The following SNTG2 variants were observed in gnomAD, a reference collection of about 807,000 sequenced individuals.
SNTG2 encodes gamma-2-syntrophin.
Under a neutral mutation model 70.9 loss-of-function variants are expected in SNTG2, and 74 were observed. The ratio of observed to expected loss-of-function variants is 1.04; its 90% CI spans 0.86 to 1.27. The LOEUF is 1.27. Among genes scored for constraint, SNTG2 ranks in the 50% most tolerant of loss-of-function variants. The probability of loss-of-function intolerance (pLI) is 0.00; values close to 1 mark genes in which losing one functional copy is unlikely to be tolerated. For missense variants in SNTG2, 717 were observed against 690.7 expected (o/e 1.04, Z -0.43); for synonymous variants, 278 against 273.8 (o/e 1.02, Z -0.15).
At chr2:1,177,023 A>T (rs1671525402) in intron 8 of SNTG2, among the ~76,000 whole-genome samples, 1 of 152,250 alleles carries the variant, frequency 6.6e-6, no homozygotes, top group Admixed American at 6.5e-5. Flanking sequence ...ACAATAATAC[A>T]TGCATGTGTA....
chr2:1,246,502 G>T (rs1005309172), intron 11 of SNTG2, among the ~76,000 whole-genome samples: 1 of 152,218 alleles, frequency 6.6e-6, no homozygotes, highest in Non-Finnish European at 1.5e-5. Context: ...GTCCCAGCTG[G>T]TTCTCAACTT....
At chr2:1,154,039 A>G (rs1669689511) in intron 6 of SNTG2, among the ~76,000 whole-genome samples, 1 of 152,258 alleles carries the variant, frequency 6.6e-6, no homozygotes, top group African/African-American at 2.4e-5. Flanking sequence ...TACTTATATA[A>G]GCAAAAAACA....
At chr2:1,062,243 A>T (rs772293967) in intron 1 of SNTG2, among the ~76,000 whole-genome samples, 3 of 152,204 alleles carry the variant, frequency 2.0e-5, no homozygotes, top group Admixed American at 1.3e-4. Context: ...AAATTTGAAC[A>T]TGATCAAGCC....
chr2:1,167,628 C>T (rs1463994282), intron 7 of SNTG2, among the ~76,000 whole-genome samples: 2 of 106,000 alleles, frequency 1.9e-5, no homozygotes, highest in Admixed American at 1.9e-4. Flanking sequence ...GCCTACAAGC[C>T]GCCCACAGAC....
intron 14 of SNTG2, among the ~76,000 whole-genome samples, chr2:1,273,115 C>G (rs1311317194): frequency 6.6e-6 from 1 of 152,182 alleles, no homozygotes; most frequent in Non-Finnish European, 1.5e-5. Context: ...CCCCTGCCTG[C>G]CCGCCTCGGG....
intron 1 of SNTG2, among the ~76,000 whole-genome samples, chr2:955,974 C>CCTGCAT (rs941760030): frequency 7.9e-5 from 10 of 126,914 alleles, no homozygotes; most frequent in African/African-American, 1.4e-4. Flanking sequence ...TGCCCCTGCC[C>CCTGCAT]CTGCATCTGC....
chr2:1,007,395 C>T (rs1445278873), intron 1 of SNTG2, among the ~76,000 whole-genome samples: 7 of 152,184 alleles, frequency 4.6e-5, no homozygotes, highest in Admixed American at 4.6e-4. Flanking sequence ...GTTTGATGGA[C>T]TCACATTTAG....
intron 1 of SNTG2, among the ~76,000 whole-genome samples, chr2:1,052,599 TTTC>T (rs1662138765): frequency 6.6e-6 from 1 of 152,224 alleles, no homozygotes; most frequent in Non-Finnish European, 1.5e-5. Flanking sequence ...CTCTTTCCTT[TTTC>T]TTGCTTTGCT....
intron 16 of SNTG2, among the ~76,000 whole-genome samples, chr2:1,362,920 G>A (rs984767653): frequency 6.6e-6 from 1 of 152,102 alleles, no homozygotes; most frequent in Admixed American, 6.5e-5. Flanking sequence ...GAACTTCCAC[G>A]AAGGTCACCG....
intron 12 of SNTG2, among the ~76,000 whole-genome samples, chr2:1,256,214 G>A (rs1678112246): frequency 6.6e-6 from 1 of 151,972 alleles, no homozygotes; most frequent in Non-Finnish European, 1.5e-5. Context: ...CCGGGTTTCT[G>A]TATATGCTCC....
intron 13 of SNTG2, among the ~76,000 whole-genome samples, chr2:1,263,400 A>T (rs1197704394): frequency 6.6e-6 from 1 of 152,214 alleles, no homozygotes; most frequent in Non-Finnish European, 1.5e-5. Context: ...ATGACAAAAC[A>T]TAGTAATAAG....
chr2:958,691 C>CTT (rs35896193), intron 1 of SNTG2, among the ~76,000 whole-genome samples: 47 of 151,238 alleles, frequency 3.1e-4, no homozygotes, highest in African/African-American at 5.1e-4. Context: ...AATAAATGGT[C>CTT]TTTTTTTTTA....
At chr2:1,095,830 C>G (rs745940817) in intron 2 of SNTG2, among the ~76,000 whole-genome samples, 7 of 152,152 alleles carry the variant, frequency 4.6e-5, no homozygotes, top group Non-Finnish European at 8.8e-5. Flanking sequence ...TACAGAGAGG[C>G]CTCCAGTTAC....
chr2:1,041,065 C>G (rs1442887329), intron 1 of SNTG2, among the ~76,000 whole-genome samples: 5 of 152,178 alleles, frequency 3.3e-5, no homozygotes, highest in Non-Finnish European at 7.3e-5. Flanking sequence ...TGTGTGATTC[C>G]TCTTCAGAGG....
At chr2:1,125,418 C>A (rs1381209712) in intron 4 of SNTG2, among the ~76,000 whole-genome samples, 2 of 152,124 alleles carry the variant, frequency 1.3e-5, no homozygotes, top group Admixed American at 1.3e-4. Flanking sequence ...CTTCTTCCCT[C>A]TCCCTCCCTT....
At chr2:1,235,465 C>T (rs1225575648) in intron 9 of SNTG2, among the ~76,000 whole-genome samples, 8 of 95,768 alleles carry the variant, frequency 8.4e-5, no homozygotes, top group African/African-American at 3.6e-4. Context: ...CCATGCTGCC[C>T]TGAGGTCCCT....
chr2:1,049,492 T>A (rs146699135), intron 1 of SNTG2, among the ~76,000 whole-genome samples: 93 of 152,348 alleles, frequency 6.1e-4, no homozygotes, highest in African/African-American at 2.2e-3. Flanking sequence ...GCTTGCCTTC[T>A]CCTTTTGTTT....
At chr2:1,342,472 C>CT (rs1285715322) in intron 16 of SNTG2, among the ~76,000 whole-genome samples, 3 of 34,064 alleles carry the variant, frequency 8.8e-5, no homozygotes, top group African/African-American at 3.1e-4. Context: ...TGGACTCGCA[C>CT]TTTTCCCCTG....
intron 16 of SNTG2, among the ~76,000 whole-genome samples, chr2:1,348,967 G>C (rs185879560): frequency 6.6e-6 from 1 of 152,192 alleles, no homozygotes; most frequent in Non-Finnish European, 1.5e-5. Context: ...CCAATACAAT[G>C]AGACAGCATG....
Sources: allele counts gnomAD v4.1 joint callset (sites outside exome capture counted in the v4.1 genomes callset), GRCh38; gene constraint gnomAD v4.1.1; transcripts MANE v1.5; gene names NCBI Gene and HGNC (gene_info 2026-07-23, HGNC 2026-07-21).